Variants in SIDT2 observed in about 807,000 individuals in gnomAD.
The protein encoded by SIDT2 is SID1 transmembrane family member 2.
In SIDT2, 68 loss-of-function variants were observed where a neutral mutation model predicts 114.4. The ratio of observed to expected loss-of-function variants is 0.59; its 90% confidence interval spans 0.49 to 0.73. The LOEUF is 0.73. SIDT2 is among the 30% of genes least tolerant of loss of function. The pLI, the probability that SIDT2 is intolerant of heterozygous loss-of-function variation, is 0.00. For missense variants in SIDT2, 918 were observed against 1,097.1 expected (o/e 0.84, Z 2.31); for synonymous variants, 470 against 438.4 (o/e 1.07, Z -0.90).
At chr11:117,191,637 G>A in intron 18 of SIDT2, 1 of 567,046 alleles carries the variant, frequency 1.8e-6, no homozygotes, top group Non-Finnish European at 3.1e-6. Flanking sequence ...CTAAGACACA[G>A]ACCAAGTTGT....
Position 117,181,880 on chromosome 11 carries a change from A to G in SIDT2, c.379A>G (p.Ile127Val). Residue 127 changes from isoleucine to valine, a missense_variant, in exon 3 of 26, where the codon ATT becomes GTT. Around this residue, in one of 4 missense-constraint regions of SIDT2, gnomAD observed 553 missense variants for 600.1 expected, o/e 0.92. Transcript: ENST00000324225. ...CQPPTKNESE[I>V]QFFYVDVSTL... ...GCCCCCCACCAAGAATGAGTCGGAG[A>G]TTCAGTTCTTCTACGTGGATGTGTC... is the stretch of plus-strand genomic sequence containing the variant. The G allele has an allele frequency of 6.2e-7, 1 of 1,614,110 alleles. No individual in the cohort carries two copies. Among genetic ancestry groups the G allele is most frequent in the Non-Finnish European group, 8.5e-7 (1 of 1,180,012 alleles).
chr11:117,191,527 T>A, intron 18 of SIDT2: 1 of 229,626 alleles, frequency 4.4e-6, no homozygotes, highest in Admixed American at 5.3e-5. Flanking sequence ...GAGGTTGCAG[T>A]GAGCCGAGAT....
In SIDT2 at chr11:117,188,822, C is replaced by T. The variant is rs2030595186; in HGVS notation, c.1274C>T (p.Thr425Ile). ...DIDSDKNVIR[T>I]KQYLYVADLA... is the part of the protein sequence containing the mutation. ...GATTCCGACAAGAATGTCATTCGCA[C>T]CAAGGTCTGACCCGTGGGCCTGGCC... Residue 425 changes from threonine (T) to isoleucine (I), a missense_variant, in exon 13 of 26, where the codon ACC (threonine) becomes ATC (isoleucine). Physicochemically the swap from Thr to Ile is moderately conservative, Grantham distance 89 (BLOSUM62 -1). This residue lies in a region of SIDT2 where 553 missense variants were observed against 600.1 expected (regional missense o/e 0.92). Transcript: ENST00000324225. This position sits in a 1 kb window ranked among gnomAD's most constrained non-coding sequence, Gnocchi z 4.0. The T allele has an allele frequency of 6.2e-7, 1 of 1,613,898 alleles. No homozygotes were observed. The highest frequency in any genetic ancestry group is 1.7e-5 in the Admixed American group (1 of 60,014).
chr11:117,182,133 A>G (rs1024832512), intron 4 of SIDT2, 28 bp downstream of exon 4: 11 of 1,612,764 alleles, frequency 6.8e-6, no homozygotes, highest in Non-Finnish European at 9.3e-6. Flanking sequence ...ATTGCTCGAG[A>G]GGAGAAATGG....
In SIDT2 at chr11:117,197,031, G is replaced by A. The variant is rs2030917461; in HGVS notation, c.*965G>A. 6.6e-6 allele frequency: 1 copy of A among 152,588 alleles called. No homozygotes were observed. The highest frequency in any genetic ancestry group is 2.4e-5 in the African/African-American group (1 of 41,472). The allele number at this position is 152,588 out of a possible 1,614,324, so 9.5% of individuals were successfully genotyped here. A position where few individuals can be genotyped will look rare whatever the true frequency, so the allele number is the denominator to read the frequency against. On this transcript the variant is annotated 3_prime_UTR_variant, in exon 26 of 26. Coordinates refer to ENST00000324225, the MANE Select transcript of SIDT2 (RefSeq NM_001040455.2). ...ACCTTAGAAAGGGGCTTCAGGAAGGGATGTGCTGTTTCCCTCTACGTGCCC... is the reference window on the plus strand; with the variant it reads ...ACCTTAGAAAGGGGCTTCAGGAAGGAATGTGCTGTTTCCCTCTACGTGCCC...
At chr11:117,189,924 C>A in intron 15 of SIDT2, 28 bp from the exon 16 acceptor site, 1 of 1,610,452 alleles carries the variant, frequency 6.2e-7, no homozygotes, top group Non-Finnish European at 8.5e-7. Context: ...GACGACAGAC[C>A]CACTCCCTGT....
At position 117,188,636 on chromosome 11, in the gene SIDT2, G is replaced by T; in HGVS notation, c.1160-72G>T. ...CTACTGCCTAATAATTGTTACAATT[G>T]CCTCAGATGGGCGAGGGCCACTGTG... On this transcript the variant is annotated intron_variant, in intron 12 of 25. Transcript: ENST00000324225. This position sits in a 1 kb window ranked among gnomAD's most constrained non-coding sequence, Gnocchi z 4.0. The T allele has an allele frequency of 8.5e-7, 1 of 1,178,292 alleles. No homozygotes were observed. The allele number at this position is 1,178,292 out of a possible 1,614,324, so 73.0% of individuals were successfully genotyped here. A position where few individuals can be genotyped will look rare whatever the true frequency, so the allele number is the denominator to read the frequency against.
intron 22 of SIDT2, 74 bp from the exon 23 acceptor site, chr11:117,193,079 G>A (rs894270064): frequency 1.5e-5 from 23 of 1,493,834 alleles, no homozygotes; most frequent in Non-Finnish European, 2.1e-5. Flanking sequence ...AATAAAACAT[G>A]CCTAGGCAGG....
At position 117,196,130 on chromosome 11, in the gene SIDT2, ACT is replaced by A; in HGVS notation, c.*67_*68del. On this transcript the variant is annotated 3_prime_UTR_variant, in exon 26 of 26. Coordinates refer to ENST00000324225, the MANE Select transcript of SIDT2 (RefSeq NM_001040455.2). This position sits in a 1 kb window ranked among gnomAD's most constrained non-coding sequence, Gnocchi z 4.9. The stretch of plus-strand genomic sequence containing the variant: ...AGCTCCTTTGTGTCATAGACCGGTC[ACT>A]CTGTCGTGCTGTGGGGATGAGTCCC... The A allele has an allele frequency of 2.5e-6, 4 of 1,606,196 alleles. No individual in the cohort carries two copies. Among genetic ancestry groups the A allele is most frequent in the Non-Finnish European group, 3.4e-6 (4 of 1,175,262 alleles).
intron 8 of SIDT2, among the ~76,000 whole-genome samples, chr11:117,185,034 CCTCT>C (rs765702256): frequency 2.0e-4 from 30 of 149,388 alleles, no homozygotes; most frequent in South Asian, 2.1e-4. Flanking sequence ...CCAGAGGGTG[CCTCT>C]CTCTCTCTCT....
chr11:117,180,587 G>A (rs1263802992), intron 1 of SIDT2, among the ~76,000 whole-genome samples: 2 of 128,176 alleles, frequency 1.6e-5, no homozygotes, highest in African/African-American at 6.1e-5. Flanking sequence ...CCAGGCTGAA[G>A]TGCAGTTTTG....
chr11:117,186,545 C>T (rs1357444462), intron 9 of SIDT2, 39 bp from the exon 10 acceptor site: 1 of 1,529,906 alleles, frequency 6.5e-7, no homozygotes, highest in African/African-American at 1.4e-5. Flanking sequence ...GATCCTTGTC[C>T]TGTCCCATCT....
rs145158897 is a variant in SIDT2, at chr11:117,182,083, A to G, written c.494A>G (p.Asn165Ser). 5,301 of 1,614,058 alleles carry G rather than the reference A, an allele frequency of 3.3e-3. 16 individuals are homozygous for G. The highest frequency in any genetic ancestry group is 4.0e-3 in the Non-Finnish European group (4,754 of 1,180,006). Residue 165 changes from asparagine to serine, a missense_variant, in exon 4 of 26, where the codon AAT (asparagine) becomes AGT (serine). Physicochemically the swap from Asn to Ser is conservative, Grantham distance 46. Around this residue, in one of 4 missense-constraint regions of SIDT2, gnomAD observed 553 missense variants for 600.1 expected, o/e 0.92. Transcript: ENST00000324225. ...AGGACTGGGGAGCAGTTCAGCTTCA[A>G]TACCACAGCAGCACAGCCCCAGGTA... ...VLRTGEQFSF[N>S]TTAAQPQYFK...
intron 6 of SIDT2, 48 bp from the exon 7 acceptor site, chr11:117,183,731 A>C (rs372277416): frequency 8.8e-7 from 1 of 1,134,812 alleles, no homozygotes; most frequent in Non-Finnish European, 1.3e-6. Flanking sequence ...TTAGAAAAGA[A>C]TGATGATGAT....
chr11:117,194,041 AT>A, intron 24 of SIDT2, 78 bp downstream of exon 24: 1 of 1,160,576 alleles, frequency 8.6e-7, no homozygotes, highest in Middle Eastern at 1.9e-4. Context: ...TGAGCCTGGG[AT>A]TACCTGTAAT....
intron 12 of SIDT2, 26 bp downstream of exon 12, chr11:117,187,725 G>A (rs1017661793): frequency 6.2e-6 from 10 of 1,609,306 alleles, no homozygotes; most frequent in Admixed American, 1.7e-5. Context: ...TGGGAGGGGC[G>A]GTGTGGTGCA....
rs555929475 is a variant in SIDT2, at chr11:117,179,339, A to C, written c.76A>C (p.Lys26Gln). 195 of 1,614,140 alleles carry C rather than the reference A, an allele frequency of 1.2e-4. 2 individuals are homozygous for C. The South Asian group carries it at 2.0e-3, about 17-fold the overall frequency. ...VESHLGVLGPKNVSQKDAEFE... is the reference protein window; with the variant it reads ...VESHLGVLGPQNVSQKDAEFE... ...GAGCCATCTGGGGGTTCTGGGGCCC[A>C]AGAACGTCTCGCAGAAAGACGCCGA... The change falls in exon 1 of 26, where the codon AAG (lysine) becomes CAG (glutamine). Residue 26 changes from lysine (K) to glutamine (Q), a missense_variant. Physicochemically the swap from Lys to Gln is moderately conservative, Grantham distance 53. Coordinates refer to ENST00000324225, the MANE Select transcript of SIDT2 (RefSeq NM_001040455.2).
At chr11:117,195,103 AAAAAAAAAAAAG>A (rs1430987592) in intron 24 of SIDT2, among the ~76,000 whole-genome samples, 1 of 136,014 alleles carries the variant, frequency 7.4e-6, no homozygotes, top group African/African-American at 3.0e-5. Flanking sequence ...AAAAAAAAAA[AAAAAAAAAAAAG>A]TCTTGGGTAA....
rs1341653635 is a variant in SIDT2, at chr11:117,178,765, G to C, written c.-499G>C. The C allele has an allele frequency of 1.9e-5, 3 of 156,000 alleles. No homozygotes were observed. Among genetic ancestry groups the C allele is most frequent in the Non-Finnish European group, 2.8e-5 (2 of 70,262 alleles). The allele number at this position is 156,000 out of a possible 1,614,324, so 9.7% of individuals were successfully genotyped here. A position where few individuals can be genotyped will look rare whatever the true frequency, so the allele number is the denominator to read the frequency against. On this transcript the variant is annotated 5_prime_UTR_variant, in exon 1 of 26. Transcript: ENST00000324225. Reference sequence around the variant, plus strand: ...TTCAGTGTTCGTGCGTCGGGACGGCGCGTCCGCCCGCCCTTAAAGGGCCCG... The same window carrying C: ...TTCAGTGTTCGTGCGTCGGGACGGCCCGTCCGCCCGCCCTTAAAGGGCCCG...
Sources: allele counts gnomAD v4.1 joint callset (sites outside exome capture counted in the v4.1 genomes callset), GRCh38; gene constraint gnomAD v4.1.1; regional missense constraint gnomAD v4.1.1; non-coding constraint Gnocchi (gnomAD v3.1); transcripts MANE v1.5; gene names NCBI Gene and HGNC (gene_info 2026-07-23, HGNC 2026-07-21).